Variants in SLAIN2 observed in about 807,000 individuals in gnomAD.
SLAIN2 encodes SLAIN motif-containing protein 2.
SLAIN2 carries 31 observed loss-of-function variants against 56.6 expected under a neutral mutation model. That is an observed-to-expected ratio of 0.55 (90% CI 0.41 to 0.74). SLAIN2 has a LOEUF of 0.74. SLAIN2 is among the 30% of genes least tolerant of loss of function. SLAIN2 has a pLI of 0.00. For synonymous variants in SLAIN2, 317 were observed against 284.9 expected, an observed-to-expected ratio of 1.11 and a Z score of -1.13; for missense variants, 777 against 754.2, an observed-to-expected ratio of 1.03 and a Z score of -0.35.
chr4:48,382,574 G>A lies in SLAIN2; in HGVS notation c.869G>A (p.Arg290Gln), dbSNP rs760720359. Residue 290 changes from arginine to glutamine, a missense_variant, in exon 5 of 8, where the codon CGG becomes CAG. Physicochemically the swap from Arg to Gln is conservative, Grantham distance 43. Transcript: ENST00000264313. ...TAACATTCATTGTTGCCAGGTCTCC[G>A]GCAAGAATATGCAGCCACCACGTCT... ...ILARMQEESL[R>Q]QEYAATTSRR... 3 of 1,554,922 alleles carry A rather than the reference G, an allele frequency of 1.9e-6. No individual in the cohort carries two copies. Among genetic ancestry groups the A allele is most frequent in the Non-Finnish European group, 1.8e-6 (2 of 1,141,290 alleles).
intron 1 of SLAIN2, among the ~76,000 whole-genome samples, chr4:48,344,396 A>G (rs1195715999): frequency 2.0e-5 from 3 of 152,134 alleles, no homozygotes; most frequent in Non-Finnish European, 4.4e-5. Context: ...CTTCCTTTTC[A>G]TCTAGAGGAA....
In SLAIN2 at chr4:48,400,664, A is replaced by AT. The variant is rs374783597; in HGVS notation, c.1360+16881dup. Among the ~76,000 whole-genome samples, 357 of 151,996 alleles carry AT rather than the reference A, an allele frequency of 2.3e-3. 3 individuals are homozygous for AT. Among genetic ancestry groups the AT allele is most frequent in the African/African-American group, 8.3e-3 (344 of 41,482 alleles). ...TGATCGCCCGCCTTGGCCTCACAGA[A>AT]TGTTGGGATTACAGGCGTGAGCCAC... On this transcript the variant is annotated intron_variant, in intron 6 of 7. Coordinates refer to ENST00000264313, the MANE Select transcript of SLAIN2 (RefSeq NM_020846.2).
intron 6 of SLAIN2, among the ~76,000 whole-genome samples, chr4:48,397,700 C>A (rs1560462055): frequency 6.6e-6 from 1 of 152,128 alleles, no homozygotes; most frequent in Non-Finnish European, 1.5e-5. Context: ...TGTTGTTCCC[C>A]ACAGTGTGTC....
chr4:48,394,452 G>T, intron 6 of SLAIN2: 1 of 682,846 alleles, frequency 1.5e-6, no homozygotes, highest in Non-Finnish European at 2.4e-6. Flanking sequence ...TAACATATTT[G>T]CACCTTATGG....
At chr4:48,418,390 C>CT (rs1221813743) in intron 6 of SLAIN2, among the ~76,000 whole-genome samples, 4 of 152,028 alleles carry the variant, frequency 2.6e-5, no homozygotes, top group Non-Finnish European at 4.4e-5. Context: ...TTGTCAGATG[C>CT]TTTTTTTGAG....
At chr4:48,374,843 A>G (rs1298613798) in intron 2 of SLAIN2, among the ~76,000 whole-genome samples, 1 of 152,202 alleles carries the variant, frequency 6.6e-6, no homozygotes, top group East Asian at 1.9e-4. Context: ...CTAAGTTGCC[A>G]GCTTCTGCGA....
At position 48,342,594 on chromosome 4, in the gene SLAIN2, G is replaced by A. The variant is rs1291283468; in HGVS notation, c.389+466G>A. Among the ~76,000 whole-genome samples the A allele has an allele frequency of 5.3e-5, 8 of 152,160 alleles. No homozygotes were observed. In the East Asian group the frequency reaches 1.5e-3, roughly 29 times the overall value. On this transcript the variant is annotated intron_variant, in intron 1 of 7. Coordinates refer to ENST00000264313, the MANE Select transcript of SLAIN2 (RefSeq NM_020846.2). ...CCAGAGTCGTCTACGTCTATGCAGC[G>A]GTTGGTGTTTGGGACCCATTTCTGG...
chr4:48,386,243 T>A (rs1716097003), intron 6 of SLAIN2, among the ~76,000 whole-genome samples: 1 of 152,228 alleles, frequency 6.6e-6, no homozygotes, highest in Non-Finnish European at 1.5e-5. Context: ...ATAATCTTAT[T>A]TAATCCTTAG....
intron 2 of SLAIN2, among the ~76,000 whole-genome samples, chr4:48,375,548 T>C (rs1715789707): frequency 1.3e-5 from 2 of 152,204 alleles, no homozygotes; most frequent in South Asian, 2.1e-4. Context: ...GTCTAACTTA[T>C]TAAACATCAA....
At chr4:48,394,119 C>T (rs1389028093) in intron 6 of SLAIN2, among the ~76,000 whole-genome samples, 1 of 152,126 alleles carries the variant, frequency 6.6e-6, no homozygotes, top group Non-Finnish European at 1.5e-5. Context: ...GAGTTTTCTT[C>T]TCCTTTTTGA....
intron 5 of SLAIN2, 51 bp downstream of exon 5, chr4:48,382,978 A>G (rs1358045744): frequency 2.7e-6 from 4 of 1,498,202 alleles, no homozygotes; most frequent in Non-Finnish European, 3.6e-6. Flanking sequence ...TAGCCTGTGT[A>G]ACATAGCAAG....
At chr4:48,351,422 TCTC>T (rs1456378164) in intron 1 of SLAIN2, among the ~76,000 whole-genome samples, 1 of 152,192 alleles carries the variant, frequency 6.6e-6, no homozygotes, top group East Asian at 1.9e-4. Context: ...CCTGCTCATT[TCTC>T]CTCTGAGTGG....
At chr4:48,381,568 CACTA>C in intron 4 of SLAIN2, among the ~76,000 whole-genome samples, 1 of 152,276 alleles carries the variant, frequency 6.6e-6, no homozygotes, top group Admixed American at 6.5e-5. Flanking sequence ...TATAACTAGA[CACTA>C]AGTAACTTGT....
chr4:48,410,059 A>C (rs1346905107), intron 6 of SLAIN2, among the ~76,000 whole-genome samples: 1 of 152,158 alleles, frequency 6.6e-6, no homozygotes, highest in Non-Finnish European at 1.5e-5. Context: ...AACATTTTAC[A>C]GTGTCACCAG....
At chr4:48,402,794 A>T (rs927156005) in intron 6 of SLAIN2, among the ~76,000 whole-genome samples, 4 of 152,226 alleles carry the variant, frequency 2.6e-5, no homozygotes, top group African/African-American at 9.6e-5. Context: ...GGAGGAGAAT[A>T]CAAATTCTGG....
rs2109726610 is a variant in SLAIN2 at position 48,342,068 on chromosome 4, A to G, written c.329A>G (p.Glu110Gly). ...AGEGGLLDEV[E>G]PLRPDELERL... ...GAGGGCGGCTTGCTGGACGAGGTGG[A>G]GCCGCTGCGGCCCGACGAGCTGGAG... The change falls in exon 1 of 8, where the codon GAG (glutamate) becomes GGG (glycine). Residue 110 changes from glutamate (E) to glycine (G), a missense_variant. Glu to Gly is a moderately conservative substitution (Grantham distance 98). Transcript: ENST00000264313. 1 of 1,377,938 alleles carries G rather than the reference A, an allele frequency of 7.3e-7. No homozygotes were observed. The highest frequency in any genetic ancestry group is 1.7e-5 in the South Asian group (1 of 58,762). The allele number at this position is 1,377,938 out of a possible 1,614,324, so 85.4% of individuals were successfully genotyped here. A position where few individuals can be genotyped will look rare whatever the true frequency, so the allele number is the denominator to read the frequency against.
chr4:48,387,019 T>G (rs1577726110), intron 6 of SLAIN2, among the ~76,000 whole-genome samples: 1 of 152,334 alleles, frequency 6.6e-6, no homozygotes, highest in East Asian at 1.9e-4. Context: ...ATATTTAGTT[T>G]GAACTGTTAC....
At chr4:48,377,805 T>C (rs773032474) in intron 2 of SLAIN2, 91 bp from the exon 3 acceptor site, 7 of 1,177,628 alleles carry the variant, frequency 5.9e-6, no homozygotes, top group South Asian at 1.4e-5. Context: ...ATTGAGATAA[T>C]GATTTAGTTT....
chr4:48,424,352 G>A lies in SLAIN2; in HGVS notation c.*2275G>A, dbSNP rs1717245393. 1 of 152,124 alleles carries A rather than the reference G, an allele frequency of 6.6e-6. No homozygotes were observed. The highest frequency in any genetic ancestry group is 2.4e-5 in the African/African-American group (1 of 41,434). The allele number at this position is 152,124 out of a possible 1,614,324, so 9.4% of individuals were successfully genotyped here. On this transcript the variant is annotated 3_prime_UTR_variant, in exon 8 of 8. Transcript: ENST00000264313. ...AGGATTTACTGTGGTTAGTCTTACA[G>A]AAGAAATGTGGATTTGATAAACTAG... is the stretch of plus-strand genomic sequence containing the variant.
Sources: gnomAD v4.1 joint callset for allele counts (sites outside exome capture counted in the v4.1 genomes callset) on GRCh38, gnomAD v4.1.1 for gene constraint, MANE v1.5 for transcripts, NCBI Gene and HGNC (gene_info 2026-07-23, HGNC 2026-07-21) for gene names.